DNMT3A: variants seen among roughly 807,000 people sequenced by gnomAD.
The protein encoded by DNMT3A is DNA methyltransferase 3 alpha.
A neutral mutation model predicts 117.6 loss-of-function variants in DNMT3A; 267 were observed. That is an observed-to-expected ratio of 2.27 (90% confidence interval 2.05 to 2.51). The LOEUF (loss-of-function observed/expected upper bound fraction) is 2.51. Ranked by LOEUF, DNMT3A falls within the 30% of genes most tolerant of loss-of-function variation. DNMT3A has a pLI of 0.00. For missense variants in DNMT3A, 1,029 were observed against 1,260.2 expected (o/e 0.82, Z 2.78); for synonymous variants, 432 against 474.8 (o/e 0.91, Z 1.17).
chr2:25,299,529 C>G (rs1016780691), intron 3 of DNMT3A, among the ~76,000 whole-genome samples: 2 of 152,322 alleles, frequency 1.3e-5, no homozygotes, highest in South Asian at 2.1e-4. Flanking sequence ...CCTCTTGCTT[C>G]CCTTCCAGAG....
intron 9 of DNMT3A, 128 bp from the exon 10 acceptor site, chr2:25,246,904 C>T (rs372191785): frequency 1.3e-5 from 19 of 1,501,516 alleles, no homozygotes; most frequent in Middle Eastern, 2.0e-4. Context: ...TGAGGAGGAG[C>T]GGGATGTGCA....
chr2:25,330,412 A>G (rs1424091821), intron 1 of DNMT3A, among the ~76,000 whole-genome samples: 1 of 151,934 alleles, frequency 6.6e-6, no homozygotes, highest in Non-Finnish European at 1.5e-5. Flanking sequence ...TGGCAGCATC[A>G]ACAAGAGCCC....
Position 25,298,639 on chromosome 2 carries a change from G to C in DNMT3A, c.177+1500C>G, listed in dbSNP as rs1161149307. The stretch of plus-strand genomic sequence containing the variant: ...CCTCCCACACCTTCTCCATTAAGGT[G>C]CCCTGTGGGCAGAGGAGGGTGCAGG... On this transcript the variant is annotated intron_variant, in intron 3 of 22. Coordinates refer to ENST00000321117, the MANE Select transcript of DNMT3A (RefSeq NM_022552.5). This position sits in a 1 kb window ranked among gnomAD's most constrained non-coding sequence, Gnocchi z 4.3. Among the ~76,000 whole-genome samples, 1 of 152,162 alleles carries C rather than the reference G, an allele frequency of 6.6e-6. No homozygotes were observed. The highest frequency in any genetic ancestry group is 2.4e-5 in the African/African-American group (1 of 41,432).
intron 4 of DNMT3A, among the ~76,000 whole-genome samples, chr2:25,280,709 T>C (rs1348492160): frequency 1.3e-5 from 2 of 152,256 alleles, no homozygotes; most frequent in African/African-American, 2.4e-5. Context: ...AGCAGGTTTT[T>C]GTTCATAATA....
rs968964124 is a variant in DNMT3A, at chr2:25,281,804, C to T, written c.448+637G>A. 3.8e-6 allele frequency: 4 copies of T among 1,066,016 alleles called. No homozygotes were observed. The African/African-American group carries it at 6.5e-5, about 17-fold the overall frequency. The allele number at this position is 1,066,016 out of a possible 1,614,324, so 66.0% of individuals were successfully genotyped here. A position where few individuals can be genotyped will look rare whatever the true frequency, so the allele number is the denominator to read the frequency against. ...GGCTTCCAGGGTTAGGCCAAAAAGT[C>T]CCCAGATGAAGAGGCCTGGGCTGGG... On this transcript the variant is annotated intron_variant, in intron 4 of 22. Coordinates refer to ENST00000321117, the MANE Select transcript of DNMT3A (RefSeq NM_022552.5). The surrounding 1 kb of genome is among the most constrained non-coding windows in gnomAD (Gnocchi z 4.8).
At chr2:25,251,811 G>T in intron 6 of DNMT3A, 1 of 300,416 alleles carries the variant, frequency 3.3e-6, no homozygotes. Context: ...AGAAACGCAG[G>T]TCACCAGGGA....
intron 3 of DNMT3A, among the ~76,000 whole-genome samples, chr2:25,284,371 G>T (rs762314778): frequency 1.3e-5 from 2 of 152,046 alleles, no homozygotes; most frequent in African/African-American, 2.4e-5. Context: ...CTGTAGCCAG[G>T]CGTGGTGGCT....
intron 1 of DNMT3A, among the ~76,000 whole-genome samples, chr2:25,316,229 C>T (rs190619011): frequency 2.0e-5 from 3 of 152,284 alleles, no homozygotes; most frequent in East Asian, 3.9e-4. Context: ...TGTGCCGCCA[C>T]GGGTGTGGCG....
intron 17 of DNMT3A, among the ~76,000 whole-genome samples, chr2:25,241,217 A>G (rs1673989791): frequency 6.6e-6 from 1 of 152,222 alleles, no homozygotes; most frequent in African/African-American, 2.4e-5. Flanking sequence ...GAGCTCTACT[A>G]GAAACTGTCC....
At chr2:25,279,727 C>T (rs1005453959) in intron 4 of DNMT3A, among the ~76,000 whole-genome samples, 2 of 151,438 alleles carry the variant, frequency 1.3e-5, no homozygotes, top group African/African-American at 4.9e-5. Context: ...CACTCTATTG[C>T]CCAGGCTGGA....
At chr2:25,264,554 G>A (rs186917363) in intron 6 of DNMT3A, among the ~76,000 whole-genome samples, 4,142 of 151,658 alleles carry the variant, frequency 0.027, 72 homozygotes, top group Middle Eastern at 0.045. Context: ...TGCAAGCTCC[G>A]CCTCCCGGGT....
intron 1 of DNMT3A, among the ~76,000 whole-genome samples, chr2:25,333,782 T>C (rs552018624): frequency 6.6e-6 from 1 of 152,340 alleles, no homozygotes; most frequent in Admixed American, 6.5e-5. Flanking sequence ...TAGTGCTAGC[T>C]GTTTCACAAA....
chr2:25,312,758 G>A (rs1431625581), intron 2 of DNMT3A, among the ~76,000 whole-genome samples: 1 of 152,226 alleles, frequency 6.6e-6, no homozygotes, highest in South Asian at 2.1e-4. Context: ...GGTAAACCCA[G>A]GAAGGAGCTG....
At chr2:25,274,053 T>C (rs547571991) in intron 6 of DNMT3A, among the ~76,000 whole-genome samples, 2 of 152,318 alleles carry the variant, frequency 1.3e-5, no homozygotes, top group South Asian at 4.1e-4. Flanking sequence ...TCGCCCGTAC[T>C]TCCCTACAGC....
Position 25,254,046 on chromosome 2 carries a change from T to C in DNMT3A, c.640-5794A>G, listed in dbSNP as rs1163331137. Among the ~76,000 whole-genome samples, 1 of 143,490 alleles carries C rather than the reference T, an allele frequency of 7.0e-6. No homozygotes were observed. The highest frequency in any genetic ancestry group is 1.5e-5 in the Non-Finnish European group (1 of 66,768). 94.1% of individuals were successfully genotyped at this position (143,490 alleles called of 152,430 possible). A position where few individuals can be genotyped will look rare whatever the true frequency, so the allele number is the denominator to read the frequency against. The stretch of plus-strand genomic sequence containing the variant: ...GAGATCATGCCACTGCACTCCAGCC[T>C]GGGCAACAGAGCGAGACTCCGTCTC... On this transcript the variant is annotated intron_variant, in intron 6 of 22. Coordinates refer to ENST00000321117, the MANE Select transcript of DNMT3A (RefSeq NM_022552.5). The surrounding 1 kb of genome is among the most constrained non-coding windows in gnomAD (Gnocchi z 4.7).
In DNMT3A at chr2:25,234,801, A is replaced by AGTAC. The variant is rs1406642225; in HGVS notation, c.2598-382_2598-381insGTAC. 1.3e-5 allele frequency among the ~76,000 whole-genome samples: 2 copies of AGTAC among 152,152 alleles called. No individual in the cohort carries two copies. Among genetic ancestry groups the AGTAC allele is most frequent in the Non-Finnish European group, 2.9e-5 (2 of 68,030 alleles). ...CTGCAGGGTTAGCTCGGCAACGTAC[A>AGTAC]CCTGGAGTCTGCATGTAACGAACAC... On this transcript the variant is annotated intron_variant, in intron 22 of 22. Coordinates refer to ENST00000321117, the MANE Select transcript of DNMT3A (RefSeq NM_022552.5). The surrounding 1 kb of genome is among the most constrained non-coding windows in gnomAD (Gnocchi z 4.5).
intron 4 of DNMT3A, among the ~76,000 whole-genome samples, chr2:25,276,505 T>C (rs550679297): frequency 6.6e-6 from 1 of 152,358 alleles, no homozygotes; most frequent in African/African-American, 2.4e-5. Context: ...AATTTCCCTA[T>C]TGAGACCTTG....
At chr2:25,310,123 T>C (rs1385990521) in intron 2 of DNMT3A, among the ~76,000 whole-genome samples, 2 of 152,164 alleles carry the variant, frequency 1.3e-5, no homozygotes, top group Non-Finnish European at 2.9e-5. Context: ...TCAATGCATC[T>C]TAGCCATTGT....
chr2:25,332,792 C>A (rs2035063501), intron 1 of DNMT3A, among the ~76,000 whole-genome samples: 2 of 152,376 alleles, frequency 1.3e-5, no homozygotes, highest in South Asian at 4.1e-4. Flanking sequence ...CTGGGAACCA[C>A]CAGCCTGTGC....
Sources: gnomAD v4.1 joint callset for allele counts (sites outside exome capture counted in the v4.1 genomes callset) on GRCh38, gnomAD v4.1.1 for gene constraint, Gnocchi (gnomAD v3.1) non-coding constraint, MANE v1.5 for transcripts, NCBI Gene and HGNC (gene_info 2026-07-23, HGNC 2026-07-21) for gene names.